Variants in PGM5 observed in about 807,000 individuals in gnomAD.
The protein encoded by PGM5 is phosphoglucomutase 5.
Under a neutral mutation model 59.2 loss-of-function variants are expected in PGM5, and 23 were observed. The observed-to-expected ratio is 0.39, with a 90% confidence interval of 0.28 to 0.55. The LOEUF (loss-of-function observed/expected upper bound fraction) is 0.55, where lower values mean the gene tolerates loss of function less well. PGM5 is among the 20% of genes least tolerant of loss of function. The probability of loss-of-function intolerance (pLI) is 0.66; values close to 1 mark genes in which losing one functional copy is unlikely to be tolerated. For synonymous variants in PGM5, 214 were observed against 286.0 expected (o/e 0.75, Z 2.54); for missense variants, 574 against 748.3 (o/e 0.77, Z 2.72).
chr9:68,448,669 T>C (rs376803942), intron 6 of PGM5, among the ~76,000 whole-genome samples: 2 of 152,306 alleles, frequency 1.3e-5, no homozygotes, highest in Middle Eastern at 3.4e-3. Flanking sequence ...CATTGGAATA[T>C]AGTCCAGAGA....
intron 6 of PGM5, among the ~76,000 whole-genome samples, chr9:68,408,442 T>G (rs1554681325): frequency 6.6e-6 from 1 of 152,192 alleles, no homozygotes; most frequent in Non-Finnish European, 1.5e-5. Flanking sequence ...TCTTGTAAAT[T>G]TGTTTGAGTT....
chr9:68,490,070 T>C (rs1824365065), intron 9 of PGM5, among the ~76,000 whole-genome samples: 1 of 152,240 alleles, frequency 6.6e-6, no homozygotes, highest in Non-Finnish European at 1.5e-5. Context: ...CAAGAAGGTG[T>C]CTGCTCTTTT....
rs1295644741 is a variant in PGM5, at chr9:68,356,725, C to T, written c.-403C>T. Among the ~76,000 whole-genome samples, 1 of 152,286 alleles carries T rather than the reference C, an allele frequency of 6.6e-6. No individual in the cohort carries two copies. The highest frequency in any genetic ancestry group is 1.5e-5 in the Non-Finnish European group (1 of 68,018). Reference sequence around the variant, plus strand: ...GCGGAGGGTGTGCCCCGGAGGGCGGCGATCGCGGGTGAAGGCTGGGGCCAG... The same window carrying T: ...GCGGAGGGTGTGCCCCGGAGGGCGGTGATCGCGGGTGAAGGCTGGGGCCAG... On this transcript the variant is annotated 5_prime_UTR_variant, in exon 1 of 11. Coordinates refer to ENST00000396396, the MANE Select transcript of PGM5 (RefSeq NM_021965.4).
chr9:68,361,161 T>A lies in PGM5; in HGVS notation c.261+3773T>A, dbSNP rs569497684. On this transcript the variant is annotated intron_variant, in intron 1 of 10. Coordinates refer to ENST00000396396, the MANE Select transcript of PGM5 (RefSeq NM_021965.4). Reference sequence around the variant, plus strand: ...TCAAACACCTGGCCTCAAGTGATCCTTCCAGCTTGGTCTCCCTGAAATATC... The same window carrying A: ...TCAAACACCTGGCCTCAAGTGATCCATCCAGCTTGGTCTCCCTGAAATATC... Among the ~76,000 whole-genome samples the A allele has an allele frequency of 2.0e-5, 3 of 152,324 alleles. No individual in the cohort carries two copies. The East Asian group carries it at 5.8e-4, about 29-fold the overall frequency.
chr9:68,455,730 G>A (rs1484822517), intron 6 of PGM5, among the ~76,000 whole-genome samples: 3 of 152,152 alleles, frequency 2.0e-5, no homozygotes, highest in Non-Finnish European at 4.4e-5. Flanking sequence ...TGAGCCAGGT[G>A]GTGGTGTGTC....
At chr9:68,370,489 A>C (rs1476928335) in intron 1 of PGM5, among the ~76,000 whole-genome samples, 1 of 152,206 alleles carries the variant, frequency 6.6e-6, no homozygotes, top group African/African-American at 2.4e-5. Flanking sequence ...ATTTGAGCTA[A>C]TTAGAAATGG....
chr9:68,479,127 T>A (rs1824150194), intron 7 of PGM5, among the ~76,000 whole-genome samples: 1 of 152,232 alleles, frequency 6.6e-6, no homozygotes, highest in Non-Finnish European at 1.5e-5. Flanking sequence ...TAGGGGTCAC[T>A]AAATATTTAC....
intron 2 of PGM5, among the ~76,000 whole-genome samples, chr9:68,381,613 A>G (rs1822072605): frequency 6.7e-6 from 1 of 150,306 alleles, no homozygotes; most frequent in African/African-American, 2.5e-5. Context: ...GATCCTATAT[A>G]TAGAGAATTC....
chr9:68,439,451 T>C (rs1015805479), intron 6 of PGM5, among the ~76,000 whole-genome samples: 1 of 146,372 alleles, frequency 6.8e-6, no homozygotes, highest in Admixed American at 6.9e-5. Context: ...ATTATATATG[T>C]AAAATATATA....
intron 6 of PGM5, among the ~76,000 whole-genome samples, chr9:68,409,711 T>G (rs1308062663): frequency 2.6e-5 from 3 of 116,228 alleles, no homozygotes; most frequent in Non-Finnish European, 5.2e-5. Flanking sequence ...AACATCACAC[T>G]CTGGGGACTG....
intron 1 of PGM5, among the ~76,000 whole-genome samples, chr9:68,373,981 T>G (rs1821807933): frequency 6.6e-6 from 1 of 152,296 alleles, no homozygotes; most frequent in Non-Finnish European, 1.5e-5. Flanking sequence ...GTTCTCATTC[T>G]CATACTAGTT....
intron 1 of PGM5, among the ~76,000 whole-genome samples, chr9:68,370,710 A>AC (rs1395815137): frequency 6.6e-6 from 1 of 152,256 alleles, no homozygotes; most frequent in African/African-American, 2.4e-5. Context: ...TTCCCTTGGC[A>AC]CCTGGTATGC....
chr9:68,496,964 C>T (rs143431475), intron 9 of PGM5: 2 of 151,624 alleles, frequency 1.3e-5, no homozygotes, highest in African/African-American at 2.4e-5. Flanking sequence ...AGCAGAGTCA[C>T]GTGCTCACGC....
chr9:68,445,189 C>CTTA (rs1180361040), intron 6 of PGM5, among the ~76,000 whole-genome samples: 2 of 151,690 alleles, frequency 1.3e-5, no homozygotes, highest in Non-Finnish European at 2.9e-5. Context: ...GCGTAAGAAT[C>CTTA]TTATCAGGAT....
At chr9:68,501,167 C>T (rs1229776645) in intron 10 of PGM5, among the ~76,000 whole-genome samples, 2 of 152,122 alleles carry the variant, frequency 1.3e-5, no homozygotes, top group African/African-American at 4.8e-5. Context: ...TTTCTGATTT[C>T]CCCTCCCTTC....
chr9:68,361,570 G>A (rs1355721043), intron 1 of PGM5, among the ~76,000 whole-genome samples: 1 of 152,356 alleles, frequency 6.6e-6, no homozygotes, highest in East Asian at 1.9e-4. Context: ...TTTGATATCT[G>A]GTTAGGACCA....
chr9:68,419,239 A>T (rs1383992061), intron 6 of PGM5, among the ~76,000 whole-genome samples: 2 of 152,200 alleles, frequency 1.3e-5, no homozygotes, highest in African/African-American at 2.4e-5. Flanking sequence ...TGAATAGAAG[A>T]TAATATGTTT....
Position 68,523,478 on chromosome 9 carries a change from AG to A in PGM5, c.1615-6088del, listed in dbSNP as rs536319237. Among the ~76,000 whole-genome samples the A allele has an allele frequency of 3.1e-3, 477 of 152,306 alleles. 1 individual carries two copies. Among genetic ancestry groups the A allele is most frequent in the Middle Eastern group, 0.014 (4 of 294 alleles). ...GAACCACTCCCTTAGACTATGCAAA[AG>A]CATATTGACTAAAAATGAATGTTTG... On this transcript the variant is annotated intron_variant, in intron 10 of 10. Coordinates refer to ENST00000396396, the MANE Select transcript of PGM5 (RefSeq NM_021965.4).
chr9:68,500,557 A>G (rs1824555968), intron 10 of PGM5, among the ~76,000 whole-genome samples: 1 of 152,150 alleles, frequency 6.6e-6, no homozygotes, highest in Non-Finnish European at 1.5e-5. Context: ...TAGCCTTTCC[A>G]TGCAGGGGAT....
Sources: allele counts gnomAD v4.1 joint callset (sites outside exome capture counted in the v4.1 genomes callset), GRCh38; gene constraint gnomAD v4.1.1; transcripts MANE v1.5; gene names NCBI Gene and HGNC (gene_info 2026-07-23, HGNC 2026-07-21).